SEC61A2: variants seen among roughly 807,000 people sequenced by gnomAD.
The protein encoded by SEC61A2 is protein transport protein Sec61 subunit alpha isoform 2.
A neutral mutation model predicts 59.9 loss-of-function variants in SEC61A2; 28 were observed. The observed-to-expected ratio is 0.47, with a 90% CI of 0.35 to 0.64. SEC61A2 has a LOEUF of 0.64. Among genes scored for constraint, SEC61A2 ranks in the 30% least tolerant of loss-of-function variants. SEC61A2 has a pLI of 0.01. For synonymous variants in SEC61A2, 202 were observed against 214.4 expected (o/e 0.94, Z 0.50); for missense variants, 340 against 585.9 (o/e 0.58, Z 4.33).
In SEC61A2 at chr10:12,154,981, G is replaced by C. The variant is rs755467605; in HGVS notation, c.463-797G>C. Among the ~76,000 whole-genome samples, 3 of 152,032 alleles carry C rather than the reference G, an allele frequency of 2.0e-5. No homozygotes were observed. The highest frequency in any genetic ancestry group is 4.4e-5 in the Non-Finnish European group (3 of 68,006). On this transcript the variant is annotated intron_variant, in intron 6 of 11. Transcript: ENST00000298428. This position sits in a 1 kb window ranked among gnomAD's most constrained non-coding sequence, Gnocchi z 5.2. ...TTAGGTTATTTGAGTGCAGGGAAGG[G>C]GTCATATGACTGAGGAGGTCACTTG... is the stretch of plus-strand genomic sequence containing the variant.
At position 12,160,898 on chromosome 10, in the gene SEC61A2, GAC is replaced by G. The variant is rs764193413; in HGVS notation, c.976-31_976-30del. 45 of 1,566,174 alleles carry G rather than the reference GAC, an allele frequency of 2.9e-5. No homozygotes were observed. Among genetic ancestry groups the G allele is most frequent in the Non-Finnish European group, 3.9e-5 (45 of 1,153,886 alleles). ...AAATGTATTCCTGACTAATTAGGTT[GAC>G]CACTTGTTCTTTGTACTCCTGTTCT... On this transcript the variant is annotated intron_variant, in intron 9 of 11. Coordinates refer to ENST00000298428, the MANE Select transcript of SEC61A2 (RefSeq NM_018144.4). This position sits in a 1 kb window ranked among gnomAD's most constrained non-coding sequence, Gnocchi z 4.1.
Position 12,137,324 on chromosome 10 carries a change from T to C in SEC61A2, c.141+1154T>C, listed in dbSNP as rs890778159. Among the ~76,000 whole-genome samples the C allele has an allele frequency of 2.6e-5, 4 of 152,160 alleles. No individual in the cohort carries two copies. The South Asian group carries it at 8.3e-4, about 31-fold the overall frequency. ...TGATAGTGTTTTTTTGGTTTTTGTTTTTTGGTTTTTTTTTGAGACAGGGTC... is the reference window on the plus strand; with the variant it reads ...TGATAGTGTTTTTTTGGTTTTTGTTCTTTGGTTTTTTTTTGAGACAGGGTC... On this transcript the variant is annotated intron_variant, in intron 3 of 11. Transcript: ENST00000298428.
In SEC61A2 at chr10:12,161,272, T is replaced by C. The variant is rs775045263; in HGVS notation, c.1167+151T>C. 1.9e-5 allele frequency: 11 copies of C among 593,942 alleles called. No homozygotes were observed. Among genetic ancestry groups the C allele is most frequent in the Non-Finnish European group, 3.1e-5 (11 of 351,602 alleles). The allele number at this position is 593,942 out of a possible 1,614,324, so 36.8% of individuals were successfully genotyped here. ...TGGGCAACATAGCGAGACCCCGTCA[T>C]GACTAAAAAAATACAAATAAAAATC... On this transcript the variant is annotated intron_variant, in intron 10 of 11. Coordinates refer to ENST00000298428, the MANE Select transcript of SEC61A2 (RefSeq NM_018144.4). The surrounding 1 kb of genome is among the most constrained non-coding windows in gnomAD (Gnocchi z 5.4).
chr10:12,153,698 TGATTG>T lies in SEC61A2; in HGVS notation c.463-2079_463-2075del, dbSNP rs752036347. On this transcript the variant is annotated intron_variant, in intron 6 of 11. Transcript: ENST00000298428. This position sits in a 1 kb window ranked among gnomAD's most constrained non-coding sequence, Gnocchi z 5.2. Reference sequence around the variant, plus strand: ...AATATATAAAGAGGGGTGTCATGTTTGATTGTAGGTGGGCAGTGACCCATTGGTGT... The same window carrying T: ...AATATATAAAGAGGGGTGTCATGTTTTAGGTGGGCAGTGACCCATTGGTGT... 1 of 1,600,412 alleles carries T rather than the reference TGATTG, an allele frequency of 6.2e-7. No homozygotes were observed. Among genetic ancestry groups the T allele is most frequent in the South Asian group, 1.1e-5 (1 of 88,236 alleles).
At chr10:12,141,472 G>A (rs1443080930) in intron 3 of SEC61A2, among the ~76,000 whole-genome samples, 1 of 152,092 alleles carries the variant, frequency 6.6e-6, no homozygotes, top group African/African-American at 2.4e-5. Flanking sequence ...CCTAAATATG[G>A]GTTATATAAT....
At chr10:12,148,691 C>T (rs1410006571) in intron 4 of SEC61A2, among the ~76,000 whole-genome samples, 1 of 151,936 alleles carries the variant, frequency 6.6e-6, no homozygotes, top group Non-Finnish European at 1.5e-5. Flanking sequence ...AGGCGCACGC[C>T]ACCACACCTG....
chr10:12,134,575 T>C (rs1833840619), intron 2 of SEC61A2, among the ~76,000 whole-genome samples: 1 of 152,146 alleles, frequency 6.6e-6, no homozygotes, highest in African/African-American at 2.4e-5. Context: ...GTAAAGAAAC[T>C]TATATTTAGG....
chr10:12,157,949 A>G lies in SEC61A2; in HGVS notation c.819A>G (p.Arg273=). ...TGCCCATTAAGTCGGCCCGTTACCG[A>G]GGACAGTACAGCAGCTACCCCATCA... is the stretch of plus-strand genomic sequence containing the variant. ...VDLPIKSARY[R]GQYSSYPIKL... is the part of the protein sequence containing the mutation. The change falls in exon 9 of 12, where the codon CGA becomes CGG. Residue 273 remains arginine (R), a synonymous_variant. Coordinates refer to ENST00000298428, the MANE Select transcript of SEC61A2 (RefSeq NM_018144.4). 2.5e-6 allele frequency: 4 copies of G among 1,613,960 alleles called. No homozygotes were observed. The highest frequency in any genetic ancestry group is 3.4e-6 in the Non-Finnish European group (4 of 1,180,012).
Position 12,155,958 on chromosome 10 carries a change from A to C in SEC61A2, c.616+27A>C, listed in dbSNP as rs1363324950. On this transcript the variant is annotated intron_variant, in intron 7 of 11. Transcript: ENST00000298428. This position sits in a 1 kb window ranked among gnomAD's most constrained non-coding sequence, Gnocchi z 4.3. The stretch of plus-strand genomic sequence containing the variant: ...TACATCGCACAGCGACTGCAACTGC[A>C]CGCGTTTTGCTGGATGTGTGCTGGG... 1 of 1,613,574 alleles carries C rather than the reference A, an allele frequency of 6.2e-7. No individual in the cohort carries two copies.
intron 4 of SEC61A2, among the ~76,000 whole-genome samples, chr10:12,144,803 C>T (rs1834101812): frequency 1.3e-5 from 2 of 152,186 alleles, no homozygotes; most frequent in Non-Finnish European, 2.9e-5. Flanking sequence ...GTGATCCCAA[C>T]ACTTTGGGAG....
At chr10:12,139,014 T>C (rs112982638) in intron 3 of SEC61A2, among the ~76,000 whole-genome samples, 58 of 152,176 alleles carry the variant, frequency 3.8e-4, no homozygotes, top group African/African-American at 1.3e-3. Flanking sequence ...CAGGCTGGAG[T>C]GCAGTGGCAC....
intron 4 of SEC61A2, among the ~76,000 whole-genome samples, chr10:12,146,764 C>T (rs1159445509): frequency 2.6e-5 from 4 of 152,100 alleles, no homozygotes; most frequent in Non-Finnish European, 5.9e-5. Context: ...GTGATCCGCC[C>T]GCCTCAGCCT....
chr10:12,158,319 G>T lies in SEC61A2; in HGVS notation c.975+214G>T, dbSNP rs1365010443. On this transcript the variant is annotated intron_variant, in intron 9 of 11. Coordinates refer to ENST00000298428, the MANE Select transcript of SEC61A2 (RefSeq NM_018144.4). The surrounding 1 kb of genome is among the most constrained non-coding windows in gnomAD (Gnocchi z 5.7). Reference sequence around the variant, plus strand: ...TTTTTATTATTTTGCTCTCTAGGAAGCACTTTCACATCTCATTTGAATGAC... The same window carrying T: ...TTTTTATTATTTTGCTCTCTAGGAATCACTTTCACATCTCATTTGAATGAC... 8 of 515,214 alleles carry T rather than the reference G, an allele frequency of 1.6e-5. No homozygotes were observed. The highest frequency in any genetic ancestry group is 2.4e-5 in the Non-Finnish European group (7 of 293,364). 31.9% of individuals were successfully genotyped at this position (515,214 alleles called of 1,614,324 possible).
rs1834286776 is a variant in SEC61A2 at position 12,152,057 on chromosome 10, A to G, written c.462+2096A>G. ...CAATAAACATGACTTTTCTAATGAG[A>G]TGGAACTGTTTTGTCATTTGACCAG... On this transcript the variant is annotated intron_variant, in intron 6 of 11. Transcript: ENST00000298428. The surrounding 1 kb of genome is among the most constrained non-coding windows in gnomAD (Gnocchi z 5.5). Among the ~76,000 whole-genome samples, 1 of 152,194 alleles carries G rather than the reference A, an allele frequency of 6.6e-6. No homozygotes were observed. Among genetic ancestry groups the G allele is most frequent in the African/African-American group, 2.4e-5 (1 of 41,446 alleles).
downstream of SEC61A2, among the ~76,000 whole-genome samples, chr10:12,168,489 T>TC (rs1442941264): frequency 6.6e-6 from 1 of 152,216 alleles, no homozygotes; most frequent in African/African-American, 2.4e-5. This position sits in a 1 kb window ranked among gnomAD's most constrained non-coding sequence, Gnocchi z 4.8. Context: ...ATACATATGT[T>TC]CCCCCGGCAA....
At chr10:12,137,963 G>A (rs912071514) in intron 3 of SEC61A2, among the ~76,000 whole-genome samples, 13 of 152,100 alleles carry the variant, frequency 8.5e-5, no homozygotes, top group Non-Finnish European at 1.9e-4. Context: ...CTGAGATCAC[G>A]CCATTGCACT....
chr10:12,164,577 A>AAATGGG lies in SEC61A2; in HGVS notation c.*123_*124insAATGGG. Reference sequence around the variant, plus strand: ...AGTTTCTTGTTTCGAGTGCTGACTGACCCGTTTCTGAAATGGGCACCGAGC... The same window carrying AAATGGG: ...AGTTTCTTGTTTCGAGTGCTGACTGAAATGGGCCCGTTTCTGAAATGGGCACCGAGC... On this transcript the variant is annotated 3_prime_UTR_variant, in exon 12 of 12. Transcript: ENST00000298428. The surrounding 1 kb of genome is among the most constrained non-coding windows in gnomAD (Gnocchi z 7.3). The AAATGGG allele has an allele frequency of 2.9e-5, 42 of 1,471,402 alleles. No individual in the cohort carries two copies. Among genetic ancestry groups the AAATGGG allele is most frequent in the Non-Finnish European group, 3.8e-5 (42 of 1,117,212 alleles). The allele number at this position is 1,471,402 out of a possible 1,614,324, so 91.1% of individuals were successfully genotyped here. A position where few individuals can be genotyped will look rare whatever the true frequency, so the allele number is the denominator to read the frequency against.
downstream of SEC61A2, chr10:12,166,656 A>G (rs975503877): frequency 8.4e-6 from 4 of 473,970 alleles, no homozygotes; most frequent in African/African-American, 8.0e-5. Context: ...GGCTAGAAAC[A>G]TGACTTAGGG....
chr10:12,143,415 A>AC lies in SEC61A2; in HGVS notation c.220+220_220+221insC, dbSNP rs1337660012. ...GGAAAACCCTGATCTTCAGTGTCAA[A>AC]GAAGGTGATGTCCAGATAACATTGG... On this transcript the variant is annotated intron_variant, in intron 4 of 11. Coordinates refer to ENST00000298428, the MANE Select transcript of SEC61A2 (RefSeq NM_018144.4). The surrounding 1 kb of genome is among the most constrained non-coding windows in gnomAD (Gnocchi z 4.8). Among the ~76,000 whole-genome samples, 2 of 152,156 alleles carry AC rather than the reference A, an allele frequency of 1.3e-5. No homozygotes were observed. Among genetic ancestry groups the AC allele is most frequent in the African/African-American group, 4.8e-5 (2 of 41,436 alleles).
Sources: gnomAD v4.1 joint callset for allele counts (sites outside exome capture counted in the v4.1 genomes callset) on GRCh38, gnomAD v4.1.1 for gene constraint, Gnocchi (gnomAD v3.1) non-coding constraint, MANE v1.5 for transcripts, NCBI Gene and HGNC (gene_info 2026-07-23, HGNC 2026-07-21) for gene names.